Variants in ATRNL1 observed in about 807,000 individuals in gnomAD.
ATRNL1 encodes attractin like 1.
A neutral mutation model predicts 182.7 loss-of-function variants in ATRNL1; 95 were observed. The observed-to-expected ratio is 0.52, with a 90% CI of 0.44 to 0.62. The LOEUF is 0.62. Ranked by LOEUF, ATRNL1 falls within the 20% of genes least tolerant of loss-of-function variation. The pLI, the probability that ATRNL1 is intolerant of heterozygous loss-of-function variation, is 0.00. For synonymous variants in ATRNL1, 576 were observed against 568.3 expected, an observed-to-expected ratio of 1.01 and a Z score of -0.19; for missense variants, 1,471 against 1,679.5, an observed-to-expected ratio of 0.88 and a Z score of 2.17.
intron 28 of ATRNL1, among the ~76,000 whole-genome samples, chr10:115,871,469 T>TATATATATATATATATATATATATA (rs1951579875): frequency 2.9e-5 from 4 of 140,318 alleles, no homozygotes; most frequent in African/African-American, 1.1e-4. Context: ...GTCAGATTCT[T>TATATATATATATATATATATATATA]TGTGTGTGTG....
At chr10:115,595,566 T>A (rs529433443) in intron 26 of ATRNL1, among the ~76,000 whole-genome samples, 1 of 152,236 alleles carries the variant, frequency 6.6e-6, no homozygotes, top group South Asian at 2.1e-4. Flanking sequence ...GGGATTTTCA[T>A]TTCCTTGTTT....
chr10:115,680,687 A>G (rs985806080), intron 26 of ATRNL1, among the ~76,000 whole-genome samples: 6 of 152,270 alleles, frequency 3.9e-5, no homozygotes, highest in East Asian at 1.9e-4. Context: ...TCTTCTTTCA[A>G]TGGGTTAATA....
intron 26 of ATRNL1, among the ~76,000 whole-genome samples, chr10:115,573,376 G>GCCT (rs1854520791): frequency 6.6e-6 from 1 of 151,594 alleles, no homozygotes; most frequent in Admixed American, 6.6e-5. Flanking sequence ...CTGTCTGCTT[G>GCCT]CCTCCTCATC....
intron 26 of ATRNL1, among the ~76,000 whole-genome samples, chr10:115,662,181 T>A (rs1243631307): frequency 1.3e-5 from 2 of 152,018 alleles, no homozygotes; most frequent in African/African-American, 4.8e-5. Flanking sequence ...TCTATCATTG[T>A]TGGACATTTG....
chr10:115,476,485 G>A (rs1282936351), intron 24 of ATRNL1, among the ~76,000 whole-genome samples: 1 of 150,560 alleles, frequency 6.6e-6, no homozygotes, highest in African/African-American at 2.4e-5. Flanking sequence ...AGAATATTTT[G>A]GAAATTTCCA....
chr10:115,447,004 A>G (rs180801813), intron 21 of ATRNL1, among the ~76,000 whole-genome samples: 60 of 152,106 alleles, frequency 3.9e-4, no homozygotes, highest in African/African-American at 1.1e-3. Context: ...AGGTTGATTT[A>G]TAGATACTTA....
chr10:115,804,267 C>A (rs1258173487), intron 27 of ATRNL1, among the ~76,000 whole-genome samples: 2 of 152,138 alleles, frequency 1.3e-5, no homozygotes, highest in African/African-American at 4.8e-5. Context: ...AACATCTCCC[C>A]AGGACACACA....
intron 26 of ATRNL1, among the ~76,000 whole-genome samples, chr10:115,595,395 A>G (rs1856179660): frequency 6.6e-6 from 1 of 152,124 alleles, no homozygotes. Flanking sequence ...CTGCCATGAG[A>G]TTTGTAATAT....
chr10:115,760,907 A>C (rs569683038), intron 27 of ATRNL1, among the ~76,000 whole-genome samples: 1 of 152,310 alleles, frequency 6.6e-6, no homozygotes, highest in African/African-American at 2.4e-5. Context: ...TTATTTCCCC[A>C]TGGAAAGCCC....
intron 8 of ATRNL1, among the ~76,000 whole-genome samples, chr10:115,177,263 G>A (rs1847549553): frequency 6.6e-6 from 1 of 152,078 alleles, no homozygotes; most frequent in African/African-American, 2.4e-5. Flanking sequence ...GTAGTGATGG[G>A]GTGAAAGTCT....
intron 26 of ATRNL1, among the ~76,000 whole-genome samples, chr10:115,674,721 T>A (rs2133936257): frequency 6.6e-6 from 1 of 152,210 alleles, no homozygotes; most frequent in African/African-American, 2.4e-5. Flanking sequence ...TCAAATCTGA[T>A]TTTACTTGTC....
chr10:115,305,146 C>G (rs540764118), intron 17 of ATRNL1, among the ~76,000 whole-genome samples: 1 of 151,642 alleles, frequency 6.6e-6, no homozygotes, highest in Non-Finnish European at 1.5e-5. Context: ...GAGTCATCTT[C>G]CCATTTAGAG....
intron 27 of ATRNL1, among the ~76,000 whole-genome samples, chr10:115,790,313 G>A (rs782795113): frequency 6.6e-6 from 1 of 151,398 alleles, no homozygotes. Flanking sequence ...GAATTGACTT[G>A]CTTATTCTAA....
chr10:115,177,280 A>T (rs1847550405), intron 8 of ATRNL1, among the ~76,000 whole-genome samples: 2 of 152,114 alleles, frequency 1.3e-5, no homozygotes, highest in Non-Finnish European at 2.9e-5. Flanking sequence ...GTCTCACAAT[A>T]TTGGATTTAA....
chr10:115,483,328 A>G (rs1848861483), intron 24 of ATRNL1, among the ~76,000 whole-genome samples: 1 of 151,452 alleles, frequency 6.6e-6, no homozygotes, highest in Admixed American at 6.6e-5. Flanking sequence ...AATTGTTTAG[A>G]AAGAGAGGGC....
At chr10:115,692,676 AAGAG>A (rs1946430959) in intron 26 of ATRNL1, among the ~76,000 whole-genome samples, 1 of 151,850 alleles carries the variant, frequency 6.6e-6, no homozygotes, top group African/African-American at 2.4e-5. Flanking sequence ...ATAATCCTAT[AAGAG>A]ATTCATTGAA....
intron 3 of ATRNL1, among the ~76,000 whole-genome samples, chr10:115,122,560 A>G (rs1376851006): frequency 1.1e-4 from 16 of 151,970 alleles, no homozygotes; most frequent in Non-Finnish European, 1.5e-5. Flanking sequence ...ATTGCTGGAA[A>G]TTTAAGTATG....
intron 27 of ATRNL1, among the ~76,000 whole-genome samples, chr10:115,764,601 T>C (rs544230004): frequency 3.3e-5 from 5 of 152,196 alleles, no homozygotes; most frequent in Non-Finnish European, 5.9e-5. Flanking sequence ...ATATGTAGAC[T>C]TTTCAGACTG....
intron 20 of ATRNL1, among the ~76,000 whole-genome samples, chr10:115,417,051 G>A (rs1845424152): frequency 6.6e-6 from 1 of 152,300 alleles, no homozygotes; most frequent in Non-Finnish European, 1.5e-5. Flanking sequence ...TGGAGCCCAA[G>A]GCCCAAAGAG....
Sources: gnomAD v4.1 joint callset for allele counts (sites outside exome capture counted in the v4.1 genomes callset) on GRCh38, gnomAD v4.1.1 for gene constraint, MANE v1.5 for transcripts, NCBI Gene and HGNC (gene_info 2026-07-23, HGNC 2026-07-21) for gene names.